Variants in LRRC9 observed in about 807,000 individuals in gnomAD.
LRRC9 encodes the protein leucine-rich repeat-containing protein 9.
In LRRC9, 122 loss-of-function variants were observed where a neutral mutation model predicts 63.2. That is an observed-to-expected ratio of 1.93 (90% confidence interval 1.67 to 2.24). LRRC9 has a LOEUF of 2.24. LRRC9 is among the 30% of genes most tolerant of loss of function. LRRC9 has a pLI of 0.00. For synonymous variants in LRRC9, 366 were observed against 213.1 expected (o/e 1.72, Z -6.25); for missense variants, 1,071 against 627.7 (o/e 1.71, Z -7.55).
intron 30 of LRRC9, among the ~76,000 whole-genome samples, chr14:60,057,198 G>T (rs1292137859): frequency 1.3e-5 from 2 of 152,172 alleles, no homozygotes; most frequent in Non-Finnish European, 2.9e-5. Context: ...AACAAGGTCA[G>T]TCTTAACAAC....
chr14:59,981,356 C>T (rs1357406014), intron 15 of LRRC9, among the ~76,000 whole-genome samples: 1 of 151,990 alleles, frequency 6.6e-6, no homozygotes, highest in Non-Finnish European at 1.5e-5. Flanking sequence ...TTTTCTAGAG[C>T]CAGTTCTGTT....
intron 12 of LRRC9, among the ~76,000 whole-genome samples, chr14:59,969,905 C>T (rs958058998): frequency 1.3e-5 from 2 of 152,184 alleles, no homozygotes; most frequent in African/African-American, 4.8e-5. Context: ...CTGCCACCTA[C>T]AGCTGCCATT....
chr14:60,002,608 A>G (rs920799828), intron 20 of LRRC9, among the ~76,000 whole-genome samples: 4 of 152,240 alleles, frequency 2.6e-5, no homozygotes, highest in African/African-American at 9.6e-5. Flanking sequence ...AAAAAATAAA[A>G]ATAAGAAAGA....
In LRRC9 at chr14:59,944,760, G is replaced by A. The variant is rs765696991; in HGVS notation, c.882+16G>A. The A allele has an allele frequency of 3.2e-5, 21 of 646,262 alleles. No individual in the cohort carries two copies. The Middle Eastern group carries it at 1.2e-3, about 37-fold the overall frequency. 40.0% of individuals were successfully genotyped at this position (646,262 alleles called of 1,614,324 possible). Reference sequence around the variant, plus strand: ...GAAGAAAACTGTAAGATTTAATAATGTAAAATCCCAGTGGCCATACCTTAA... The same window carrying A: ...GAAGAAAACTGTAAGATTTAATAATATAAAATCCCAGTGGCCATACCTTAA... On this transcript the variant is annotated intron_variant, in intron 8 of 31. Coordinates refer to ENST00000445360, the Ensembl canonical transcript of LRRC9.
chr14:59,974,895 G>A (rs1885947682), intron 13 of LRRC9, among the ~76,000 whole-genome samples, 187 bp downstream of exon 13: 3 of 151,146 alleles, frequency 2.0e-5, no homozygotes, highest in Admixed American at 2.0e-4. Context: ...ACTTTTAACA[G>A]ATACTTACTG....
chr14:59,942,408 A>G lies in LRRC9; in HGVS notation c.727-2181A>G, dbSNP rs553662733. Among the ~76,000 whole-genome samples, 108 of 152,178 alleles carry G rather than the reference A, an allele frequency of 7.1e-4. No individual in the cohort carries two copies. The highest frequency in any genetic ancestry group is 2.4e-3 in the African/African-American group (99 of 41,540). On this transcript the variant is annotated intron_variant, in intron 7 of 31. Coordinates refer to ENST00000445360, the Ensembl canonical transcript of LRRC9. The surrounding 1 kb of genome is among the most constrained non-coding windows in gnomAD (Gnocchi z 5.3). The stretch of plus-strand genomic sequence containing the variant: ...TGGAAGTTCTACTTTTAATTTTTTG[A>G]GAAAACGCCATCCTGTTTTTCATAG...
intron 29 of LRRC9, among the ~76,000 whole-genome samples, chr14:60,033,969 AGTT>A (rs549368205): frequency 7.8e-4 from 118 of 150,654 alleles, no homozygotes; most frequent in African/African-American, 2.5e-3. Flanking sequence ...TATTCTGAGA[AGTT>A]GTATTATCTA....
chr14:60,016,131 G>A (rs1221562174), intron 23 of LRRC9, among the ~76,000 whole-genome samples: 2 of 151,966 alleles, frequency 1.3e-5, no homozygotes, highest in South Asian at 2.1e-4. Flanking sequence ...TCATTCCTCA[G>A]GTCCTGAGGT....
chr14:60,059,400 C>G (rs978305168), intron 31 of LRRC9, among the ~76,000 whole-genome samples: 2 of 152,178 alleles, frequency 1.3e-5, no homozygotes, highest in African/African-American at 4.8e-5. Context: ...TCTCAGATCT[C>G]TCACTTTAAA....
At chr14:59,971,696 A>G (rs931539636) in intron 12 of LRRC9, among the ~76,000 whole-genome samples, 8 of 152,152 alleles carry the variant, frequency 5.3e-5, no homozygotes, top group African/African-American at 1.7e-4. Flanking sequence ...TTCACTGAAC[A>G]TGCTCAAAGC....
intron 22 of LRRC9, 68 bp from the exon 23 acceptor site, chr14:60,008,024 G>T: frequency 2.0e-6 from 1 of 488,088 alleles, no homozygotes; most frequent in Non-Finnish European, 3.6e-6. Context: ...AAAATTTGAG[G>T]ATGGCTAACC....
In LRRC9 at chr14:60,051,404, C is replaced by T. The variant is rs1169462519; in HGVS notation, c.3991-1661C>T. 6.6e-6 allele frequency among the ~76,000 whole-genome samples: 1 copy of T among 152,144 alleles called. No individual in the cohort carries two copies. Among genetic ancestry groups the T allele is most frequent in the African/African-American group, 2.4e-5 (1 of 41,436 alleles). On this transcript the variant is annotated intron_variant, in intron 29 of 31. Transcript: ENST00000445360. This position sits in a 1 kb window ranked among gnomAD's most constrained non-coding sequence, Gnocchi z 4.7. ...TGTTGCAGTTAGGGGGAACCCTCCT[C>T]GTCCAGACCACCTGGACTCTCTACA... is the stretch of plus-strand genomic sequence containing the variant.
At chr14:59,943,868 C>T (rs1024890495) in intron 7 of LRRC9, among the ~76,000 whole-genome samples, 7 of 151,946 alleles carry the variant, frequency 4.6e-5, no homozygotes, top group South Asian at 4.1e-4. Context: ...CCAACTTATT[C>T]GCTTTCATTA....
intron 8 of LRRC9, among the ~76,000 whole-genome samples, chr14:59,945,365 G>C (rs780672514): frequency 1.2e-4 from 18 of 151,770 alleles, no homozygotes; most frequent in Non-Finnish European, 2.4e-4. Context: ...GGAAATAATG[G>C]ATTATTCAAC....
intron 19 of LRRC9, among the ~76,000 whole-genome samples, chr14:60,000,164 C>T (rs902707225): frequency 4.6e-5 from 7 of 152,070 alleles, no homozygotes; most frequent in Non-Finnish European, 7.4e-5. Flanking sequence ...CAGCTGGAGA[C>T]CATTATCCTA....
Position 59,973,476 on chromosome 14 carries a change from T to G in LRRC9, c.1507-1100T>G, listed in dbSNP as rs2140043864. 1.3e-5 allele frequency: 2 copies of G among 152,184 alleles called. 1 individual carries two copies. Among genetic ancestry groups the G allele is most frequent in the East Asian group, 3.9e-4 (2 of 5,186 alleles). 9.4% of individuals were successfully genotyped at this position (152,184 alleles called of 1,614,324 possible). ...GAGTATACTCACCCATCAGTATCTC[T>G]GGGGGATTGATTCCAGGACTCATGC... On this transcript the variant is annotated intron_variant, in intron 12 of 31. Coordinates refer to ENST00000445360, the Ensembl canonical transcript of LRRC9.
At position 59,966,716 on chromosome 14, in the gene LRRC9, G is replaced by T. The variant is rs1404603402; in HGVS notation, c.1339G>T (p.Glu447Ter). ...CAACCGTATTCTGAGACTAAAATTC[G>T]AAGAGAAATTTCAAAAGTTTTTGGA... The change falls in exon 11 of 32, where the codon GAA becomes TAA. Residue 447 changes from glutamate to a stop codon, truncating the protein, a stop_gained. Transcript: ENST00000445360. LOFTEE classifies it high-confidence loss of function. The surrounding 1 kb of genome is among the most constrained non-coding windows in gnomAD (Gnocchi z 4.0). 2 of 686,164 alleles carry T rather than the reference G, an allele frequency of 2.9e-6. No homozygotes were observed. Among genetic ancestry groups the T allele is most frequent in the Non-Finnish European group, 5.3e-6 (2 of 376,982 alleles). The allele number at this position is 686,164 out of a possible 1,614,324, so 42.5% of individuals were successfully genotyped here. A position where few individuals can be genotyped will look rare whatever the true frequency, so the allele number is the denominator to read the frequency against.
intron 30 of LRRC9, among the ~76,000 whole-genome samples, chr14:60,054,733 T>A (rs142462195): frequency 1.7e-4 from 26 of 152,222 alleles, no homozygotes; most frequent in Non-Finnish European, 3.1e-4. Context: ...TTTATTTTTT[T>A]AAGATGAATA....
rs972573112 is a variant in LRRC9, at chr14:60,018,489, T to C, written c.3426+10T>C. ...TCTACCTAATGTGAAGGTAAGTCAT[T>C]CACAAATTTTTCTTTCTTTCAAGGT... On this transcript the variant is annotated intron_variant, in intron 25 of 31. Coordinates refer to ENST00000445360, the Ensembl canonical transcript of LRRC9. 17 of 683,744 alleles carry C rather than the reference T, an allele frequency of 2.5e-5. No individual in the cohort carries two copies. In the African/African-American group the frequency reaches 2.8e-4, roughly 11 times the overall value. The allele number at this position is 683,744 out of a possible 1,614,324, so 42.4% of individuals were successfully genotyped here.
Sources: allele counts gnomAD v4.1 joint callset (sites outside exome capture counted in the v4.1 genomes callset), GRCh38; gene constraint gnomAD v4.1.1; non-coding constraint Gnocchi (gnomAD v3.1); transcripts MANE v1.5; gene names NCBI Gene and HGNC (gene_info 2026-07-23, HGNC 2026-07-21).